The following THSD7A variants were observed in gnomAD, a reference collection of about 807,000 sequenced individuals.
The protein encoded by THSD7A is thrombospondin type 1 domain containing 7A, also known as thrombospondin type-1 domain-containing protein 7A.
In THSD7A, 96 loss-of-function variants were observed where a neutral mutation model predicts 231.3. The ratio of observed to expected loss-of-function variants is 0.41; its 90% CI spans 0.35 to 0.49. The LOEUF is 0.49. THSD7A is among the 20% of genes least tolerant of loss of function. The pLI, the probability that THSD7A is intolerant of heterozygous loss-of-function variation, is 0.05. For synonymous variants in THSD7A, 940 were observed against 743.3 expected (o/e 1.26, Z -4.30); for missense variants, 2,290 against 2,070.2 (o/e 1.11, Z -2.06).
intron 4 of THSD7A, among the ~76,000 whole-genome samples, chr7:11,563,498 T>G (rs1406060364): frequency 6.6e-6 from 1 of 152,102 alleles, no homozygotes; most frequent in African/African-American, 2.4e-5. Flanking sequence ...TAGCTGGGAT[T>G]ACAGGTACAC....
chr7:11,467,478 T>C (rs1478619249), intron 9 of THSD7A, among the ~76,000 whole-genome samples: 1 of 151,928 alleles, frequency 6.6e-6, no homozygotes, highest in Non-Finnish European at 1.5e-5. Flanking sequence ...CAAAAATCAA[T>C]AAATAAGTAA....
At chr7:11,773,516 G>C (rs575850707) in intron 1 of THSD7A, among the ~76,000 whole-genome samples, 1 of 152,174 alleles carries the variant, frequency 6.6e-6, no homozygotes, top group South Asian at 2.1e-4. Flanking sequence ...TGAGCAATAA[G>C]AGCGAGACTC....
At chr7:11,621,696 G>A (rs533656270) in intron 2 of THSD7A, among the ~76,000 whole-genome samples, 1 of 152,110 alleles carries the variant, frequency 6.6e-6, no homozygotes, top group African/African-American at 2.4e-5. Flanking sequence ...TGAATTCCGT[G>A]TCTTACTAGT....
chr7:11,769,622 C>T (rs1783160438), intron 1 of THSD7A, among the ~76,000 whole-genome samples: 1 of 152,094 alleles, frequency 6.6e-6, no homozygotes, highest in Non-Finnish European at 1.5e-5. Context: ...CCCAGACATT[C>T]ACTTTTCCCC....
chr7:11,481,996 G>A lies in THSD7A; in HGVS notation c.1823-14C>T, dbSNP rs1379294911. On this transcript the variant is annotated splice_polypyrimidine_tract_variant and intron_variant, in intron 6 of 27. Transcript: ENST00000423059. ...CAACTTCTTCTCCTGGGGAAAACAT[G>A]ACCACCAACAGCTATTATTGTTAAA... is the stretch of plus-strand genomic sequence containing the variant. 9.5e-6 allele frequency: 15 copies of A among 1,582,504 alleles called. No individual in the cohort carries two copies. Among genetic ancestry groups the A allele is most frequent in the African/African-American group, 1.3e-5 (1 of 74,088 alleles).
At chr7:11,592,578 C>T (rs1780207228) in intron 3 of THSD7A, among the ~76,000 whole-genome samples, 1 of 152,096 alleles carries the variant, frequency 6.6e-6, no homozygotes, top group Admixed American at 6.5e-5. Context: ...ATTTATTGAA[C>T]ACATATTTTG....
chr7:11,570,921 T>G (rs1249746996), intron 4 of THSD7A, among the ~76,000 whole-genome samples: 1 of 152,204 alleles, frequency 6.6e-6, no homozygotes, highest in Non-Finnish European at 1.5e-5. Flanking sequence ...TGGTATCATA[T>G]GTATTCCATT....
At chr7:11,772,038 G>T (rs1049926450) in intron 1 of THSD7A, among the ~76,000 whole-genome samples, 1 of 152,144 alleles carries the variant, frequency 6.6e-6, no homozygotes, top group Non-Finnish European at 1.5e-5. Flanking sequence ...ACAGCCTGCA[G>T]AACTGTGAGC....
chr7:11,590,658 C>T lies in THSD7A; in HGVS notation c.1272-17G>A. The T allele has an allele frequency of 6.3e-7, 1 of 1,580,814 alleles. No homozygotes were observed. Among genetic ancestry groups the T allele is most frequent in the Non-Finnish European group, 8.6e-7 (1 of 1,163,718 alleles). On this transcript the variant is annotated splice_polypyrimidine_tract_variant and intron_variant, in intron 3 of 27. Coordinates refer to ENST00000423059, the MANE Select transcript of THSD7A (RefSeq NM_015204.3). The surrounding 1 kb of genome is among the most constrained non-coding windows in gnomAD (Gnocchi z 4.4). ...CAGCCATACCTAAATAAAGACAACACCACCAGCAGCAACCATAATTATTGA... is the reference window on the plus strand; with the variant it reads ...CAGCCATACCTAAATAAAGACAACATCACCAGCAGCAACCATAATTATTGA...
intron 4 of THSD7A, among the ~76,000 whole-genome samples, chr7:11,583,109 T>G (rs1791239307): frequency 6.6e-6 from 1 of 152,162 alleles, no homozygotes; most frequent in African/African-American, 2.4e-5. Context: ...ACTCTTTAGT[T>G]CAATCTGTCC....
At chr7:11,585,179 T>G (rs1363542662) in intron 4 of THSD7A, among the ~76,000 whole-genome samples, 4 of 152,214 alleles carry the variant, frequency 2.6e-5, no homozygotes, top group African/African-American at 9.6e-5. Flanking sequence ...TTACATTACC[T>G]CTGGGTAGAC....
At chr7:11,404,475 G>T (rs887086641) in intron 22 of THSD7A, among the ~76,000 whole-genome samples, 5 of 152,184 alleles carry the variant, frequency 3.3e-5, no homozygotes, top group Admixed American at 6.6e-5. Context: ...TTAGCCAAGG[G>T]TCACTTTTTG....
intron 1 of THSD7A, among the ~76,000 whole-genome samples, chr7:11,646,627 G>T (rs146967601): frequency 6.6e-6 from 1 of 152,128 alleles, no homozygotes; most frequent in African/African-American, 2.4e-5. Context: ...TTGTCCAAAA[G>T]TGAGCTACCT....
At chr7:11,571,304 G>A (rs1369925057) in intron 4 of THSD7A, among the ~76,000 whole-genome samples, 2 of 152,114 alleles carry the variant, frequency 1.3e-5, no homozygotes, top group Non-Finnish European at 2.9e-5. Context: ...GTTATTCTGA[G>A]GAACATGATG....
chr7:11,694,250 G>C (rs1375405009), intron 1 of THSD7A, among the ~76,000 whole-genome samples: 1 of 151,392 alleles, frequency 6.6e-6, no homozygotes, highest in Admixed American at 6.6e-5. Context: ...TCAAATAATT[G>C]GTGTTTGCCT....
At chr7:11,516,291 C>T (rs10486138) in intron 6 of THSD7A, among the ~76,000 whole-genome samples, 18,196 of 152,020 alleles carry the variant, frequency 0.12, 1,329 homozygotes, top group African/African-American at 0.2. Context: ...TAAACTAATG[C>T]ATTGACCCAT....
chr7:11,614,425 G>A (rs1406102706), intron 2 of THSD7A, among the ~76,000 whole-genome samples: 1 of 152,184 alleles, frequency 6.6e-6, no homozygotes, highest in African/African-American at 2.4e-5. Flanking sequence ...TGGATGTGGT[G>A]ATTGGTGGTG....
chr7:11,673,030 G>A lies in THSD7A; in HGVS notation c.191-36069C>T, dbSNP rs114047496. On this transcript the variant is annotated intron_variant, in intron 1 of 27. Coordinates refer to ENST00000423059, the MANE Select transcript of THSD7A (RefSeq NM_015204.3). Reference sequence around the variant, plus strand: ...CTGGAGGATGCCTCTTCCACAGAGAGGCACCAAAATATTGAGAAAACCTTT... The same window carrying A: ...CTGGAGGATGCCTCTTCCACAGAGAAGCACCAAAATATTGAGAAAACCTTT... Among the ~76,000 whole-genome samples, 826 of 152,222 alleles carry A rather than the reference G, an allele frequency of 5.4e-3. 7 individuals carry two copies. The highest frequency in any genetic ancestry group is 0.019 in the African/African-American group (797 of 41,546).
At chr7:11,627,255 A>T (rs1175469756) in intron 2 of THSD7A, among the ~76,000 whole-genome samples, 3 of 152,120 alleles carry the variant, frequency 2.0e-5, no homozygotes, top group Admixed American at 1.3e-4. Context: ...AAATAAAAAA[A>T]ATTAAATAAA....
Sources: gnomAD v4.1 joint callset for allele counts (sites outside exome capture counted in the v4.1 genomes callset) on GRCh38, gnomAD v4.1.1 for gene constraint, Gnocchi (gnomAD v3.1) non-coding constraint, MANE v1.5 for transcripts, NCBI Gene and HGNC (gene_info 2026-07-23, HGNC 2026-07-21) for gene names.